The following FER variants were observed in gnomAD, a reference collection of about 807,000 sequenced individuals.
FER encodes the protein tyrosine-protein kinase Fer.
Under a neutral mutation model 111.0 loss-of-function variants are expected in FER, and 63 were observed. The ratio of observed to expected loss-of-function variants is 0.57; its 90% CI spans 0.46 to 0.70. The LOEUF (loss-of-function observed/expected upper bound fraction) is 0.70. FER is among the 30% of genes least tolerant of loss of function. The pLI is 0.00. For missense variants in FER, 914 were observed against 954.0 expected (o/e 0.96, Z 0.55); for synonymous variants, 327 against 313.9 (o/e 1.04, Z -0.44).
Position 108,872,138 on chromosome 5 carries a change from A to T in FER, c.849A>T (p.Leu283Phe), listed in dbSNP as rs142818071. Reference sequence around the variant, plus strand: ...AAGAAATAGAGTTTGATACTTCCTTACTGGAAGAAAATGAAAATCTTCAGG... The same window carrying T: ...AAGAAATAGAGTTTGATACTTCCTTTCTGGAAGAAAATGAAAATCTTCAGG... ...KEQEIEFDTSLLEENENLQAN... is the reference protein window; with the variant it reads ...KEQEIEFDTSFLEENENLQAN... The change falls in exon 8 of 20, where the codon TTA becomes TTT. Residue 283 changes from leucine (L) to phenylalanine (F), a missense_variant. Around this residue, in one of 3 missense-constraint regions of FER, gnomAD observed 774 missense variants for 782.6 expected, o/e 0.99. Transcript: ENST00000281092. 1 of 1,611,562 alleles carries T rather than the reference A, an allele frequency of 6.2e-7. No individual in the cohort carries two copies. The highest frequency in any genetic ancestry group is 1.1e-5 in the South Asian group (1 of 90,796).
chr5:109,149,545 T>C (rs111951746), intron 17 of FER, among the ~76,000 whole-genome samples: 107 of 152,250 alleles, frequency 7.0e-4, no homozygotes, highest in Non-Finnish European at 1.3e-3. Flanking sequence ...CAAATCTAGT[T>C]TTGTATACCT....
chr5:109,186,301 G>A lies in FER; in HGVS notation c.2305G>A (p.Ala769Thr), dbSNP rs1232762585. 6.2e-7 allele frequency: 1 copy of A among 1,613,986 alleles called. No individual in the cohort carries two copies. Among genetic ancestry groups the A allele is most frequent in the Non-Finnish European group, 8.5e-7 (1 of 1,179,986 alleles). ...GTACCCTGGAATGACAAATCAGCAAGCAAGAGAGCAAGTAGAAAGAGGTGA... is the reference window on the plus strand; with the variant it reads ...GTACCCTGGAATGACAAATCAGCAAACAAGAGAGCAAGTAGAAAGAGGTGA... ...CPYPGMTNQQ[A>T]REQVERGYRM... is the part of the protein sequence containing the mutation. Residue 769 changes from alanine to threonine, a missense_variant, in exon 19 of 20, where the codon GCA becomes ACA. Physicochemically the swap from Ala to Thr is moderately conservative, Grantham distance 58. Coordinates refer to ENST00000281092, the MANE Select transcript of FER (RefSeq NM_005246.4).
chr5:108,867,561 C>CT (rs1764190574), intron 5 of FER, among the ~76,000 whole-genome samples: 1 of 143,290 alleles, frequency 7.0e-6, no homozygotes, highest in Non-Finnish European at 1.5e-5. Context: ...TCCTACATGC[C>CT]TCCTTGGCAA....
At chr5:108,787,300 G>A (rs1754847268) in intron 2 of FER, among the ~76,000 whole-genome samples, 1 of 152,200 alleles carries the variant, frequency 6.6e-6, no homozygotes, top group African/African-American at 2.4e-5. Flanking sequence ...TCTGGACTTT[G>A]GGTATCGACA....
At chr5:109,098,851 G>A (rs11948053) in intron 16 of FER, among the ~76,000 whole-genome samples, 1,586 of 151,650 alleles carry the variant, frequency 0.01, 22 homozygotes, top group African/African-American at 0.036. Flanking sequence ...TTTGTTAATG[G>A]CTCACCTAAA....
chr5:108,984,975 A>C (rs1762403924), intron 13 of FER, among the ~76,000 whole-genome samples: 1 of 152,140 alleles, frequency 6.6e-6, no homozygotes, highest in African/African-American at 2.4e-5. Context: ...GAAAATAAAA[A>C]AGGTTAATGT....
At chr5:108,777,355 A>G (rs953428313) in intron 2 of FER, among the ~76,000 whole-genome samples, 1 of 152,216 alleles carries the variant, frequency 6.6e-6, no homozygotes, top group Non-Finnish European at 1.5e-5. Flanking sequence ...TCCACCCACT[A>G]CATATCCTCT....
At chr5:108,773,822 T>A (rs113816291) in intron 2 of FER, among the ~76,000 whole-genome samples, 36,468 of 151,974 alleles carry the variant, frequency 0.24, 4,599 homozygotes, top group African/African-American at 0.32. Flanking sequence ...ACAGTGTAAA[T>A]GCATTCATTT....
chr5:109,155,033 C>T (rs1755220003), intron 17 of FER, among the ~76,000 whole-genome samples: 1 of 151,884 alleles, frequency 6.6e-6, no homozygotes, highest in Admixed American at 6.6e-5. Context: ...ATGTACCCTA[C>T]ATTTGCCATG....
intron 3 of FER, among the ~76,000 whole-genome samples, chr5:108,805,256 A>G (rs1757080466): frequency 6.6e-6 from 1 of 152,156 alleles, no homozygotes; most frequent in Admixed American, 6.5e-5. Context: ...GCCGTCATCC[A>G]CATAAGACGT....
At chr5:108,873,457 C>A in intron 8 of FER, among the ~76,000 whole-genome samples, 1 of 152,138 alleles carries the variant, frequency 6.6e-6, no homozygotes, top group Non-Finnish European at 1.5e-5. Flanking sequence ...GTTTTGGAAT[C>A]TTTAAAGCTG....
intron 5 of FER, chr5:108,841,807 T>C (rs1234723688): frequency 2.4e-6 from 1 of 422,674 alleles, no homozygotes; most frequent in Non-Finnish European, 4.6e-6. Flanking sequence ...AGTCTTCCTT[T>C]CTTTTTTTCC....
chr5:109,146,368 T>C (rs1221826286), intron 17 of FER, among the ~76,000 whole-genome samples: 13 of 144,696 alleles, frequency 9.0e-5, no homozygotes, highest in African/African-American at 3.3e-4. Context: ...CTTTCTCCCC[T>C]TGGGAGCACA....
intron 17 of FER, among the ~76,000 whole-genome samples, chr5:109,173,759 C>T (rs1462608197): frequency 2.3e-5 from 2 of 88,290 alleles, no homozygotes; most frequent in Non-Finnish European, 4.8e-5. Context: ...ATGTACCTCC[C>T]CCCCCCCCAC....
At chr5:109,104,802 G>A (rs1408946556) in intron 17 of FER, among the ~76,000 whole-genome samples, 2 of 151,936 alleles carry the variant, frequency 1.3e-5, no homozygotes, top group Non-Finnish European at 2.9e-5. Flanking sequence ...GAGTGCAGTG[G>A]CGCCATCTCG....
At chr5:108,991,039 T>C (rs1763100466) in intron 13 of FER, among the ~76,000 whole-genome samples, 1 of 151,442 alleles carries the variant, frequency 6.6e-6, no homozygotes, top group Non-Finnish European at 1.5e-5. Context: ...TTTAGATATA[T>C]AGTATATGTA....
chr5:109,150,675 A>G (rs1395742083), intron 17 of FER, among the ~76,000 whole-genome samples: 1 of 152,202 alleles, frequency 6.6e-6, no homozygotes, highest in Non-Finnish European at 1.5e-5. Flanking sequence ...CCAGGAGACA[A>G]TATATCTTTA....
At chr5:109,099,490 G>T (rs189530432) in intron 16 of FER, among the ~76,000 whole-genome samples, 1 of 151,304 alleles carries the variant, frequency 6.6e-6, no homozygotes, top group Non-Finnish European at 1.5e-5. Context: ...ATATAGATCA[G>T]ATATTTCAGA....
intron 8 of FER, among the ~76,000 whole-genome samples, chr5:108,880,821 A>G (rs1237363786): frequency 6.6e-6 from 1 of 152,110 alleles, no homozygotes; most frequent in Non-Finnish European, 1.5e-5. Flanking sequence ...TTTTGCTTTA[A>G]TATCAAATGC....
Sources: allele counts gnomAD v4.1 joint callset (sites outside exome capture counted in the v4.1 genomes callset), GRCh38; gene constraint gnomAD v4.1.1; regional missense constraint gnomAD v4.1.1; transcripts MANE v1.5; gene names NCBI Gene and HGNC (gene_info 2026-07-23, HGNC 2026-07-21).